The following LHFPL3 variants were observed in gnomAD, a reference collection of about 807,000 sequenced individuals.
LHFPL3 encodes LHFPL tetraspan subfamily member 3 protein.
Under a neutral mutation model 19.3 loss-of-function variants are expected in LHFPL3, and 5 were observed. The observed-to-expected ratio is 0.26, with a 90% CI of 0.14 to 0.54. The LOEUF (loss-of-function observed/expected upper bound fraction) is 0.54, where lower values mean the gene tolerates loss of function less well. Among genes scored for constraint, LHFPL3 ranks in the 20% least tolerant of loss-of-function variants. LHFPL3 has a pLI of 0.94. For synonymous variants in LHFPL3, 133 were observed against 126.2 expected (o/e 1.05, Z -0.36); for missense variants, 249 against 307.4 (o/e 0.81, Z 1.42).
At chr7:104,508,002 C>G (rs1261793862) in intron 1 of LHFPL3, among the ~76,000 whole-genome samples, 5 of 141,262 alleles carry the variant, frequency 3.5e-5, no homozygotes, top group Non-Finnish European at 7.7e-5. Context: ...CACTTTTACA[C>G]TGTTGGTGGG....
At chr7:104,454,055 T>C (rs1376008512) in intron 1 of LHFPL3, among the ~76,000 whole-genome samples, 2 of 152,202 alleles carry the variant, frequency 1.3e-5, no homozygotes, top group East Asian at 3.8e-4. Flanking sequence ...GTCTACAGTT[T>C]AATTGGGCTC....
chr7:104,549,857 G>A (rs988850098), intron 1 of LHFPL3, among the ~76,000 whole-genome samples: 2 of 152,104 alleles, frequency 1.3e-5, no homozygotes, highest in Admixed American at 6.6e-5. Context: ...CAATAAATAT[G>A]ATATGCTAGC....
chr7:104,461,606 AG>A (rs1792665337), intron 1 of LHFPL3, among the ~76,000 whole-genome samples: 1 of 152,092 alleles, frequency 6.6e-6, no homozygotes, highest in African/African-American at 2.4e-5. Context: ...TCGTTACTGT[AG>A]CCCTGGAGTG....
intron 1 of LHFPL3, among the ~76,000 whole-genome samples, chr7:104,481,122 C>T (rs1262448646): frequency 6.6e-6 from 1 of 152,180 alleles, no homozygotes; most frequent in Non-Finnish European, 1.5e-5. Flanking sequence ...CAAAGAAGGA[C>T]ACTCCTTAAC....
At chr7:104,807,013 G>A (rs28722992) in intron 2 of LHFPL3, among the ~76,000 whole-genome samples, 358 of 33,604 alleles carry the variant, frequency 0.011, 2 homozygotes, top group African/African-American at 0.037. Context: ...AAATATATAT[G>A]TGTGTGTGTG....
rs990063564 is a variant in LHFPL3 at position 104,495,541 on chromosome 7, G to A, written c.445+166317G>A. Among the ~76,000 whole-genome samples the A allele has an allele frequency of 4.6e-5, 7 of 152,152 alleles. No individual in the cohort carries two copies. The South Asian group carries it at 6.2e-4, about 14-fold the overall frequency. On this transcript the variant is annotated intron_variant, in intron 1 of 2. Coordinates refer to ENST00000424859, the MANE Select transcript of LHFPL3 (RefSeq NM_199000.3). The stretch of plus-strand genomic sequence containing the variant: ...TGGGACTACAGGCACCTGCCACCAC[G>A]CTTGGCTAATTTTTTGTATTTTTAG...
intron 1 of LHFPL3, among the ~76,000 whole-genome samples, chr7:104,473,121 C>T (rs1185356925): frequency 1.3e-5 from 2 of 152,208 alleles, no homozygotes; most frequent in Non-Finnish European, 1.5e-5. Context: ...CTCAGCATTA[C>T]ACTGACATAT....
chr7:104,372,949 T>C (rs1417139860), intron 1 of LHFPL3, among the ~76,000 whole-genome samples: 1 of 134,202 alleles, frequency 7.5e-6, no homozygotes, highest in Non-Finnish European at 1.5e-5. Context: ...AAGGAAAATG[T>C]CTATGGCTTA....
At chr7:104,535,378 A>G (rs1270200317) in intron 1 of LHFPL3, among the ~76,000 whole-genome samples, 1 of 152,204 alleles carries the variant, frequency 6.6e-6, no homozygotes, top group Admixed American at 6.5e-5. Context: ...AATGTATCAA[A>G]ATGCAATTTC....
intron 2 of LHFPL3, among the ~76,000 whole-genome samples, chr7:104,829,397 G>A (rs1790893236): frequency 6.6e-6 from 1 of 151,576 alleles, no homozygotes; most frequent in South Asian, 2.1e-4. Flanking sequence ...ACTTACATAT[G>A]TATACATGTG....
chr7:104,468,816 A>G (rs1474191706), intron 1 of LHFPL3, among the ~76,000 whole-genome samples: 4 of 151,688 alleles, frequency 2.6e-5, no homozygotes, highest in Admixed American at 2.6e-4. Flanking sequence ...CTGCCACCAC[A>G]CCCAGCCAAT....
chr7:104,484,147 A>G (rs557563791), intron 1 of LHFPL3, among the ~76,000 whole-genome samples: 1 of 152,306 alleles, frequency 6.6e-6, no homozygotes, highest in East Asian at 1.9e-4. Flanking sequence ...TTTCTTCATT[A>G]AGAAAACCCC....
chr7:104,699,550 A>C (rs985056844), intron 1 of LHFPL3, among the ~76,000 whole-genome samples: 2 of 152,106 alleles, frequency 1.3e-5, no homozygotes, highest in African/African-American at 4.8e-5. Flanking sequence ...GAGAAAGGAG[A>C]ATGGGGAATT....
chr7:104,747,332 A>G (rs1323562699), intron 2 of LHFPL3, among the ~76,000 whole-genome samples: 1 of 152,076 alleles, frequency 6.6e-6, no homozygotes, highest in Non-Finnish European at 1.5e-5. Flanking sequence ...AACAAAGCCA[A>G]GCCTTAAAAA....
rs1801509640 is a variant in LHFPL3, at chr7:104,328,716, C to T, written c.-64C>T. The T allele has an allele frequency of 3.5e-6, 5 of 1,428,428 alleles. No homozygotes were observed. The South Asian group carries it at 5.1e-5, about 15-fold the overall frequency. 88.5% of individuals were successfully genotyped at this position (1,428,428 alleles called of 1,614,324 possible). Reference sequence around the variant, plus strand: ...CGAGGCTCCGTGAGTGTGTCTCCTGCGCGCTGAGAGGCGGGGGGAGGCGGA... The same window carrying T: ...CGAGGCTCCGTGAGTGTGTCTCCTGTGCGCTGAGAGGCGGGGGGAGGCGGA... On this transcript the variant is annotated 5_prime_UTR_variant, in exon 1 of 3. Transcript: ENST00000424859. The surrounding 1 kb of genome is among the most constrained non-coding windows in gnomAD (Gnocchi z 4.6).
chr7:104,730,527 G>A (rs1793679732), intron 1 of LHFPL3, among the ~76,000 whole-genome samples: 4 of 152,186 alleles, frequency 2.6e-5, no homozygotes, highest in Admixed American at 2.6e-4. Context: ...GTGTCTGGTG[G>A]CTGCATAAAT....
At chr7:104,585,703 A>C (rs940367599) in intron 1 of LHFPL3, among the ~76,000 whole-genome samples, 1 of 152,126 alleles carries the variant, frequency 6.6e-6, no homozygotes, top group East Asian at 1.9e-4. Context: ...CAGAAATGAA[A>C]AGTTATTAAA....
chr7:104,663,570 A>G (rs1224174444), intron 1 of LHFPL3, among the ~76,000 whole-genome samples: 1 of 152,232 alleles, frequency 6.6e-6, no homozygotes, highest in Non-Finnish European at 1.5e-5. Context: ...GCAGAGTTGT[A>G]AAAAGACTCA....
chr7:104,784,752 C>G (rs572407042), intron 2 of LHFPL3, among the ~76,000 whole-genome samples: 2 of 152,174 alleles, frequency 1.3e-5, no homozygotes, highest in African/African-American at 4.8e-5. Context: ...ATATGACTTT[C>G]ATGTCATAGG....
Sources: gnomAD v4.1 joint callset for allele counts (sites outside exome capture counted in the v4.1 genomes callset) on GRCh38, gnomAD v4.1.1 for gene constraint, Gnocchi (gnomAD v3.1) non-coding constraint, MANE v1.5 for transcripts, NCBI Gene and HGNC (gene_info 2026-07-23, HGNC 2026-07-21) for gene names.